The following SLC38A10 variants were observed in gnomAD, a reference collection of about 807,000 sequenced individuals.
SLC38A10 encodes Sodium-coupled neutral amino acid transporter 10.
A neutral mutation model predicts 81.0 loss-of-function variants in SLC38A10; 53 were observed. The observed-to-expected ratio is 0.65, with a 90% CI of 0.53 to 0.82. SLC38A10 has a LOEUF of 0.82. Ranked by LOEUF, SLC38A10 falls within the 40% of genes least tolerant of loss-of-function variation. The pLI, the probability that SLC38A10 is intolerant of heterozygous loss-of-function variation, is 0.00. For missense variants in SLC38A10, 1,471 were observed against 1,545.0 expected, an observed-to-expected ratio of 0.95 and a Z score of 0.80; for synonymous variants, 665 against 655.3, an observed-to-expected ratio of 1.01 and a Z score of -0.23.
chr17:81,290,362 T>C (rs1193212087), intron 1 of SLC38A10, among the ~76,000 whole-genome samples: 1 of 152,132 alleles, frequency 6.6e-6, no homozygotes, highest in Non-Finnish European at 1.5e-5. Context: ...ACAACCCAAA[T>C]GTCCTTCAAC....
rs1396197973 is a variant in SLC38A10 at position 81,252,514 on chromosome 17, C to A, written c.1626G>T (p.Leu542=). The change falls in exon 13 of 16, where the codon CTG becomes CTT. Residue 542 remains leucine, a synonymous_variant. Coordinates refer to ENST00000374759, the MANE Select transcript of SLC38A10 (RefSeq NM_001037984.3). ...CTTGTTTCTCTCTTTCTGAGTCGGG[C>A]AGAGGCGGCGCCATCTGGCCCTGGA... ...PGVQGQMAPP[L]PDSEREKQEP... 1.2e-6 allele frequency: 2 copies of A among 1,613,390 alleles called. No individual in the cohort carries two copies. Among genetic ancestry groups the A allele is most frequent in the Non-Finnish European group, 1.7e-6 (2 of 1,180,016 alleles).
chr17:81,282,526 C>A (rs1567945865), intron 4 of SLC38A10, among the ~76,000 whole-genome samples, 194 bp from the exon 5 acceptor site: 1 of 152,196 alleles, frequency 6.6e-6, no homozygotes, highest in Admixed American at 6.5e-5. Context: ...CAGCCTCGGA[C>A]ACTGGGTATT....
chr17:81,282,898 C>T (rs978774674), intron 4 of SLC38A10, among the ~76,000 whole-genome samples: 6 of 152,210 alleles, frequency 3.9e-5, no homozygotes, highest in African/African-American at 1.4e-4. Flanking sequence ...CCCTAACGTG[C>T]CGTGATGCCT....
At chr17:81,285,167 A>G (rs1598405336) in intron 2 of SLC38A10, 1 of 351,802 alleles carries the variant, frequency 2.8e-6, no homozygotes, top group East Asian at 4.9e-5. Flanking sequence ...CAAAGAGACA[A>G]GTCCCTGCGA....
rs760235316 is a variant in SLC38A10, at chr17:81,281,917, C to T, written c.501+272G>A. On this transcript the variant is annotated intron_variant, in intron 5 of 15. Coordinates refer to ENST00000374759, the MANE Select transcript of SLC38A10 (RefSeq NM_001037984.3). The surrounding 1 kb of genome is among the most constrained non-coding windows in gnomAD (Gnocchi z 5.3). ...TGGAGTTTCCTTCACCTTGCCTGGA[C>T]GACATGAAACCAGCCTCAGAGCCAC... Among the ~76,000 whole-genome samples, 1 of 152,160 alleles carries T rather than the reference C, an allele frequency of 6.6e-6. No individual in the cohort carries two copies. Among genetic ancestry groups the T allele is most frequent in the African/African-American group, 2.4e-5 (1 of 41,434 alleles).
At position 81,283,440 on chromosome 17, in the gene SLC38A10, G is replaced by C. The variant is rs752615414; in HGVS notation, c.326C>G (p.Ser109Cys). ...AFYVVIGDLG[S>C]NFFARLFGFQ... ...CCCGAACAGCCGGGCAAAGAAGTTGGACCCCAAGTCGCCGATCACGACGTA... is the reference window on the plus strand; with the variant it reads ...CCCGAACAGCCGGGCAAAGAAGTTGCACCCCAAGTCGCCGATCACGACGTA... The change falls in exon 4 of 16, where the codon TCC (serine) becomes TGC (cysteine). Residue 109 changes from serine (S) to cysteine (C), a missense_variant. Physicochemically the swap from Ser to Cys is moderately radical, Grantham distance 112. This residue lies in a region of SLC38A10 where 720 missense variants were observed against 827.7 expected (regional missense o/e 0.87). Transcript: ENST00000374759. The surrounding 1 kb of genome is among the most constrained non-coding windows in gnomAD (Gnocchi z 4.7). 6.2e-7 allele frequency: 1 copy of C among 1,612,440 alleles called. No homozygotes were observed. Among genetic ancestry groups the C allele is most frequent in the Non-Finnish European group, 8.5e-7 (1 of 1,179,244 alleles).
At chr17:81,280,464 G>C (rs1187687731) in intron 6 of SLC38A10, 145 bp downstream of exon 6, 7 of 1,234,564 alleles carry the variant, frequency 5.7e-6, no homozygotes, top group Non-Finnish European at 7.8e-6. Context: ...AACCTGGGGC[G>C]GGAAAGGTCA....
chr17:81,247,104 T>C lies in SLC38A10; in HGVS notation c.2066-43A>G, dbSNP rs781310390. On this transcript the variant is annotated intron_variant, in intron 14 of 15. Transcript: ENST00000374759. ...ACAGTCAGAGTGCCCGGGCTGCTCA[T>C]GCACCGTGCTGGGCCAGGGACGGCG... is the stretch of plus-strand genomic sequence containing the variant. 9.7e-6 allele frequency: 15 copies of C among 1,539,924 alleles called. No individual in the cohort carries two copies. In the East Asian group the frequency reaches 3.0e-4, roughly 30 times the overall value.
At position 81,261,081 on chromosome 17, in the gene SLC38A10, C is replaced by T. The variant is rs1173235853; in HGVS notation, c.1132-687G>A. ...CCACTGGGGTCACCCTGTGAGCTGA[C>T]CTCCAGGCACTCTTTGCCGAAGGCT... On this transcript the variant is annotated intron_variant, in intron 10 of 15. Coordinates refer to ENST00000374759, the MANE Select transcript of SLC38A10 (RefSeq NM_001037984.3). 2.6e-5 allele frequency among the ~76,000 whole-genome samples: 4 copies of T among 152,366 alleles called. No individual in the cohort carries two copies. The East Asian group carries it at 7.7e-4, about 29-fold the overall frequency.
chr17:81,251,456 G>A (rs748775711), intron 14 of SLC38A10, 37 bp downstream of exon 14: 3 of 1,608,388 alleles, frequency 1.9e-6, no homozygotes, highest in Admixed American at 1.7e-5. Context: ...GCCGCTCCCT[G>A]GGCCTGAGGC....
chr17:81,281,778 A>AATAC lies in SLC38A10; in HGVS notation c.501+410_501+411insGTAT, dbSNP rs2063214177. Reference sequence around the variant, plus strand: ...GCGACAAAGTGAGACTCCGTCTCAAAAAACAAACAAACAAACAAACAACAA... The same window carrying AATAC: ...GCGACAAAGTGAGACTCCGTCTCAAAATACAAACAAACAAACAAACAAACAACAA... On this transcript the variant is annotated intron_variant, in intron 5 of 15. Coordinates refer to ENST00000374759, the MANE Select transcript of SLC38A10 (RefSeq NM_001037984.3). The surrounding 1 kb of genome is among the most constrained non-coding windows in gnomAD (Gnocchi z 5.3). Among the ~76,000 whole-genome samples the AATAC allele has an allele frequency of 6.6e-6, 1 of 151,264 alleles. No individual in the cohort carries two copies. The highest frequency in any genetic ancestry group is 1.5e-5 in the Non-Finnish European group (1 of 67,896).
chr17:81,280,767 G>A (rs1598401894), intron 5 of SLC38A10, 34 bp from the exon 6 acceptor site: 1 of 1,588,846 alleles, frequency 6.3e-7, no homozygotes, highest in Non-Finnish European at 8.6e-7. Flanking sequence ...CACGGGGCAG[G>A]TCAGGACGCA....
rs367868065 is a variant in SLC38A10 at position 81,253,588 on chromosome 17, T to TCCA, written c.1289-351_1289-349dup. Among the ~76,000 whole-genome samples, 1 of 150,426 alleles carries TCCA rather than the reference T, an allele frequency of 6.6e-6. No individual in the cohort carries two copies. The highest frequency in any genetic ancestry group is 6.6e-5 in the Admixed American group (1 of 15,132). ...CATCATCACCGTCATCACCGTCACC[T>TCCA]CCACCACCACCACCACCATCACCGC... On this transcript the variant is annotated intron_variant, in intron 11 of 15. Transcript: ENST00000374759. This position sits in a 1 kb window ranked among gnomAD's most constrained non-coding sequence, Gnocchi z 4.1.
chr17:81,245,889 G>A lies in SLC38A10; in HGVS notation c.3027C>T (p.Val1009=). 1 of 1,612,220 alleles carries A rather than the reference G, an allele frequency of 6.2e-7. No homozygotes were observed. Among genetic ancestry groups the A allele is most frequent in the Non-Finnish European group, 8.5e-7 (1 of 1,179,612 alleles). Reference sequence around the variant, plus strand: ...GCTCTGGCCTCTGCCTGGGCTCCTGGACAGCAGCGTCCTCCCCGCCTCTCG... The same window carrying A: ...GCTCTGGCCTCTGCCTGGGCTCCTGAACAGCAGCGTCCTCCCCGCCTCTCG... The part of the protein sequence containing the change: ...EQPRGGEDAA[V]QEPRQRPEPE... The change falls in exon 16 of 16, where the codon GTC becomes GTT. Residue 1009 remains valine, a synonymous_variant. Coordinates refer to ENST00000374759, the MANE Select transcript of SLC38A10 (RefSeq NM_001037984.3).
chr17:81,256,688 C>G (rs1013843942), intron 11 of SLC38A10, among the ~76,000 whole-genome samples: 10 of 152,368 alleles, frequency 6.6e-5, no homozygotes, highest in Admixed American at 3.9e-4. Flanking sequence ...AAAGCTAGTC[C>G]CTGCTTTTAG....
rs1278039321 is a variant in SLC38A10 at position 81,277,399 on chromosome 17, C to T, written c.627-266G>A. Among the ~76,000 whole-genome samples, 2 of 152,230 alleles carry T rather than the reference C, an allele frequency of 1.3e-5. No individual in the cohort carries two copies. Among genetic ancestry groups the T allele is most frequent in the Non-Finnish European group, 2.9e-5 (2 of 68,044 alleles). On this transcript the variant is annotated intron_variant, in intron 6 of 15. Coordinates refer to ENST00000374759, the MANE Select transcript of SLC38A10 (RefSeq NM_001037984.3). This position sits in a 1 kb window ranked among gnomAD's most constrained non-coding sequence, Gnocchi z 4.5. ...GGCTACAGAACGACAGGCTGCTGCT[C>T]CACGCCAGGGAGCGGGTGCTGAGAG...
Position 81,286,127 on chromosome 17 carries a change from G to A in SLC38A10, c.218-1232C>T, listed in dbSNP as rs2063264804. On this transcript the variant is annotated intron_variant, in intron 2 of 15. Transcript: ENST00000374759. The surrounding 1 kb of genome is among the most constrained non-coding windows in gnomAD (Gnocchi z 6.0). The stretch of plus-strand genomic sequence containing the variant: ...CAGCCCAGGGCCCTGCTGTCACCAA[G>A]GAACGCCCTCCACACCCCTCAGTGA... Among the ~76,000 whole-genome samples, 1 of 152,156 alleles carries A rather than the reference G, an allele frequency of 6.6e-6. No individual in the cohort carries two copies. The highest frequency in any genetic ancestry group is 2.4e-5 in the African/African-American group (1 of 41,436).
chr17:81,284,009 T>C (rs927696726), intron 3 of SLC38A10, among the ~76,000 whole-genome samples: 2 of 151,980 alleles, frequency 1.3e-5, no homozygotes, highest in Non-Finnish European at 2.9e-5. Flanking sequence ...ACACTCAGCT[T>C]TTCTCAGCCT....
In SLC38A10 at chr17:81,246,823, A is replaced by G. The variant is rs970170509; in HGVS notation, c.2242+62T>C. ...GCCACCGAGCCTCAGACCCAGCCGC[A>G]TGAGGACAGCAGGAGACCCCCTGCC... is the stretch of plus-strand genomic sequence containing the variant. On this transcript the variant is annotated intron_variant, in intron 15 of 15. Coordinates refer to ENST00000374759, the MANE Select transcript of SLC38A10 (RefSeq NM_001037984.3). The G allele has an allele frequency of 3.3e-6, 5 of 1,526,482 alleles. 1 individual carries two copies. In the Middle Eastern group the frequency reaches 5.7e-4, roughly 174 times the overall value. The allele number at this position is 1,526,482 out of a possible 1,614,324, so 94.6% of individuals were successfully genotyped here.
Sources: gnomAD v4.1 joint callset for allele counts (sites outside exome capture counted in the v4.1 genomes callset) on GRCh38, gnomAD v4.1.1 for gene constraint, gnomAD v4.1.1 regional missense constraint, Gnocchi (gnomAD v3.1) non-coding constraint, MANE v1.5 for transcripts, NCBI Gene and HGNC (gene_info 2026-07-23, HGNC 2026-07-21) for gene names.